Variants in PITPNB observed in about 807,000 individuals in gnomAD.
PITPNB encodes the protein phosphatidylinositol transfer protein beta isoform.
Under a neutral mutation model 45.9 loss-of-function variants are expected in PITPNB, and 16 were observed. The observed-to-expected ratio is 0.35, with a 90% CI of 0.24 to 0.53. PITPNB has a LOEUF of 0.53. Ranked by LOEUF, PITPNB falls within the 20% of genes least tolerant of loss-of-function variation. The probability of loss-of-function intolerance (pLI) is 0.93; values close to 1 mark genes in which losing one functional copy is unlikely to be tolerated. For missense variants in PITPNB, 188 were observed against 330.5 expected (o/e 0.57, Z 3.34); for synonymous variants, 112 against 108.9 (o/e 1.03, Z -0.18).
At chr22:27,870,716 T>C (rs1569010170) in intron 8 of PITPNB, among the ~76,000 whole-genome samples, 2 of 152,198 alleles carry the variant, frequency 1.3e-5, no homozygotes, top group East Asian at 1.9e-4. Context: ...AGGACAGTAA[T>C]TGGCAAAGAG....
In PITPNB at chr22:27,877,807, T is replaced by C. The variant is rs548332158; in HGVS notation, c.457-3992A>G. Reference sequence around the variant, plus strand: ...AGTTTCTTGACAGCTTGTGGAAAAATTGAGATGAGCTCCAGACACCAGAAA... The same window carrying C: ...AGTTTCTTGACAGCTTGTGGAAAAACTGAGATGAGCTCCAGACACCAGAAA... On this transcript the variant is annotated intron_variant, in intron 7 of 11. Coordinates refer to ENST00000335272, the MANE Select transcript of PITPNB (RefSeq NM_012399.5). Among the ~76,000 whole-genome samples the C allele has an allele frequency of 6.6e-5, 10 of 151,942 alleles. No individual in the cohort carries two copies. The South Asian group carries it at 1.3e-3, about 19-fold the overall frequency.
chr22:27,914,643 A>G (rs1936026713), intron 1 of PITPNB, among the ~76,000 whole-genome samples: 1 of 152,200 alleles, frequency 6.6e-6, no homozygotes, highest in Non-Finnish European at 1.5e-5. Flanking sequence ...AACATTGAAA[A>G]TTGCAGGGTA....
chr22:27,860,342 AATTACAAT>A (rs1934289366), intron 8 of PITPNB, 101 bp from the exon 9 acceptor site: 3 of 660,490 alleles, frequency 4.5e-6, no homozygotes, highest in Non-Finnish European at 7.7e-6. Context: ...ACATGAAGAA[AATTACAAT>A]CTCATGTGTT....
chr22:27,865,701 C>A (rs147919520), intron 8 of PITPNB, among the ~76,000 whole-genome samples: 1 of 151,498 alleles, frequency 6.6e-6, no homozygotes, highest in Non-Finnish European at 1.5e-5. Context: ...ACAAATGTTG[C>A]GCGGAGGGTG....
intron 7 of PITPNB, among the ~76,000 whole-genome samples, chr22:27,882,587 A>G (rs1935003953): frequency 6.6e-6 from 1 of 152,234 alleles, no homozygotes; most frequent in Non-Finnish European, 1.5e-5. Context: ...GCTCAGAAAC[A>G]GTTTAGATAA....
intron 4 of PITPNB, among the ~76,000 whole-genome samples, 162 bp from the exon 5 acceptor site, chr22:27,897,299 G>A (rs1489224977): frequency 2.0e-5 from 3 of 152,152 alleles, no homozygotes; most frequent in Non-Finnish European, 4.4e-5. Context: ...TTCCACACAA[G>A]TGACACTATA....
At chr22:27,882,220 T>A (rs968059169) in intron 7 of PITPNB, among the ~76,000 whole-genome samples, 1 of 152,192 alleles carries the variant, frequency 6.6e-6, no homozygotes, top group Non-Finnish European at 1.5e-5. Context: ...ATAATATGTT[T>A]AAAAAGAGCA....
intron 6 of PITPNB, 90 bp from the exon 7 acceptor site, chr22:27,894,728 G>T: frequency 3.1e-6 from 2 of 650,202 alleles, no homozygotes; most frequent in South Asian, 2.3e-5. Flanking sequence ...GTCTCTCAGG[G>T]GACATTATAG....
chr22:27,878,773 A>G (rs1473200635), intron 7 of PITPNB, among the ~76,000 whole-genome samples: 3 of 152,218 alleles, frequency 2.0e-5, no homozygotes, highest in Non-Finnish European at 4.4e-5. Flanking sequence ...GCATATAATT[A>G]TTATGCTAAT....
At chr22:27,897,942 C>G (rs749200247) in intron 3 of PITPNB, 50 bp from the exon 4 acceptor site, 1 of 1,256,550 alleles carries the variant, frequency 8.0e-7, no homozygotes, top group Admixed American at 1.7e-5. Context: ...TCAATTCTTT[C>G]TTGGTATCTA....
At chr22:27,893,996 C>T (rs559304527) in intron 7 of PITPNB, among the ~76,000 whole-genome samples, 1 of 152,122 alleles carries the variant, frequency 6.6e-6, no homozygotes, top group South Asian at 2.1e-4. Flanking sequence ...TTTATTAAGT[C>T]AAAAGCCAGG....
chr22:27,881,956 T>A (rs1290765876), intron 7 of PITPNB, among the ~76,000 whole-genome samples: 1 of 152,236 alleles, frequency 6.6e-6, no homozygotes, highest in Non-Finnish European at 1.5e-5. Context: ...GAAAAAAGTT[T>A]TAATATTATA....
At chr22:27,870,421 CTTTG>C (rs1934621496) in intron 8 of PITPNB, among the ~76,000 whole-genome samples, 1 of 152,166 alleles carries the variant, frequency 6.6e-6, no homozygotes, top group Admixed American at 6.6e-5. Flanking sequence ...TTGCATTTAG[CTTTG>C]AATAGACTTT....
intron 1 of PITPNB, among the ~76,000 whole-genome samples, chr22:27,918,129 G>C (rs1936139143): frequency 1.3e-5 from 2 of 152,210 alleles, no homozygotes; most frequent in Admixed American, 1.3e-4. Context: ...GTAAAGCCTT[G>C]TAGCTGTTGC....
chr22:27,883,542 G>A (rs944031662), intron 7 of PITPNB, among the ~76,000 whole-genome samples: 1 of 152,250 alleles, frequency 6.6e-6, no homozygotes, highest in Admixed American at 6.5e-5. Context: ...AGAGCCCTGA[G>A]CCCTACTCCA....
intron 3 of PITPNB, among the ~76,000 whole-genome samples, chr22:27,904,588 T>G (rs1287189757): frequency 1.3e-5 from 2 of 152,216 alleles, no homozygotes; most frequent in Non-Finnish European, 2.9e-5. Flanking sequence ...CAAAAACTAC[T>G]GAAGTGTGCA....
chr22:27,857,625 AGGC>A (rs1934209812), intron 10 of PITPNB, among the ~76,000 whole-genome samples: 1 of 152,202 alleles, frequency 6.6e-6, no homozygotes. Flanking sequence ...AACCACTAGC[AGGC>A]CCTGGACATT....
chr22:27,887,504 A>T (rs1295256683), intron 7 of PITPNB, among the ~76,000 whole-genome samples: 1 of 152,044 alleles, frequency 6.6e-6, no homozygotes, highest in African/African-American at 2.4e-5. Flanking sequence ...GGTCCCCGGA[A>T]CAAGACAGAC....
intron 1 of PITPNB, among the ~76,000 whole-genome samples, chr22:27,916,500 A>G (rs1294282163): frequency 2.0e-5 from 3 of 152,204 alleles, no homozygotes; most frequent in Non-Finnish European, 4.4e-5. Context: ...CATTTCTAAC[A>G]TTTTAATTCT....
Sources: gnomAD v4.1 joint callset for allele counts (sites outside exome capture counted in the v4.1 genomes callset) on GRCh38, gnomAD v4.1.1 for gene constraint, MANE v1.5 for transcripts, NCBI Gene and HGNC (gene_info 2026-07-23, HGNC 2026-07-21) for gene names.